TENM3: variants seen among roughly 807,000 people sequenced by gnomAD.
The protein encoded by TENM3 is teneurin-3.
In TENM3, 63 loss-of-function variants were observed where a neutral mutation model predicts 255.1. The observed-to-expected ratio is 0.25, with a 90% CI of 0.20 to 0.30. The LOEUF (loss-of-function observed/expected upper bound fraction) is 0.30. Among genes scored for constraint, TENM3 ranks in the 10% least tolerant of loss-of-function variants. TENM3 has a pLI of 1.00. For synonymous variants in TENM3, 1,306 were observed against 1,322.3 expected, an observed-to-expected ratio of 0.99 and a Z score of 0.27; for missense variants, 2,929 against 3,461.1, an observed-to-expected ratio of 0.85 and a Z score of 3.86.
At chr4:181,974,561 C>T in the TENM3 span, among the ~76,000 whole-genome samples, 3 of 148,298 alleles carry the variant, frequency 2.0e-5, no homozygotes, top group Non-Finnish European at 4.6e-5. Flanking sequence ...GAGCGAGACT[C>T]CATCTCAAAC....
chr4:181,502,062 G>A, the TENM3 span, among the ~76,000 whole-genome samples: 4 of 152,156 alleles, frequency 2.6e-5, no homozygotes, highest in Non-Finnish European at 5.9e-5. Context: ...TTGCCTTCTG[G>A]AGTCAAGGAG....
intron 4 of TENM3, among the ~76,000 whole-genome samples, chr4:182,609,082 G>A (rs1396016605): frequency 2.0e-5 from 3 of 152,182 alleles, no homozygotes; most frequent in Non-Finnish European, 4.4e-5. Flanking sequence ...GACTGGGGAC[G>A]CTAGGCCAGG....
the TENM3 span, among the ~76,000 whole-genome samples, chr4:181,463,946 C>T: frequency 6.6e-6 from 1 of 152,252 alleles, no homozygotes; most frequent in Non-Finnish European, 1.5e-5. Context: ...ATAATGATTC[C>T]AAGGTCCATC....
At chr4:181,465,357 G>C in the TENM3 span, among the ~76,000 whole-genome samples, 1 of 151,228 alleles carries the variant, frequency 6.6e-6, no homozygotes, top group African/African-American at 2.4e-5. Context: ...GCATGGAATA[G>C]ACTGACTAAC....
At chr4:182,055,087 C>T in the TENM3 span, among the ~76,000 whole-genome samples, 2 of 152,284 alleles carry the variant, frequency 1.3e-5, no homozygotes, top group South Asian at 4.1e-4. Context: ...TGGCTCATGC[C>T]TTTAATCCCA....
chr4:182,069,170 A>T, the TENM3 span, among the ~76,000 whole-genome samples: 1 of 152,222 alleles, frequency 6.6e-6, no homozygotes, highest in South Asian at 2.1e-4. Flanking sequence ...GTAAAAACTG[A>T]ATTTAAAGAA....
chr4:182,604,068 G>A (rs1054111889), intron 4 of TENM3, among the ~76,000 whole-genome samples: 1 of 152,228 alleles, frequency 6.6e-6, no homozygotes, highest in South Asian at 2.1e-4. Context: ...TTTCAGTATA[G>A]CTATCATTTT....
At chr4:182,788,346 A>G (rs1263914670) in intron 24 of TENM3, among the ~76,000 whole-genome samples, 1 of 152,204 alleles carries the variant, frequency 6.6e-6, no homozygotes, top group East Asian at 1.9e-4. Flanking sequence ...TGGGTTGTGT[A>G]TGCCTCGGAT....
At chr4:182,762,908 C>T (rs1763326880) in intron 22 of TENM3, among the ~76,000 whole-genome samples, 1 of 145,208 alleles carries the variant, frequency 6.9e-6, no homozygotes, top group South Asian at 2.2e-4. Context: ...TTCTCGTAAA[C>T]ACACGTACTG....
Position 182,653,792 on chromosome 4 carries a change from A to C in TENM3, c.1010A>C (p.Asn337Thr). The change falls in exon 6 of 28, where the codon AAC becomes ACC. Residue 337 changes from asparagine (N) to threonine (T), a missense_variant. By Grantham distance (65) the Asn-to-Thr change is moderately conservative (BLOSUM62 0). Transcript: ENST00000511685. ...YFIAMHLFGL[N>T]WQLQQTENDT... ...CCAGCAATGCATCTCTTTGGCCTCA[A>C]CTGGCAGCTACAGCAGACTGAAAAT... 6.2e-7 allele frequency: 1 copy of C among 1,612,028 alleles called. No homozygotes were observed.
the TENM3 span, among the ~76,000 whole-genome samples, chr4:181,711,750 G>T: frequency 6.6e-6 from 1 of 152,258 alleles, no homozygotes; most frequent in South Asian, 2.1e-4. Context: ...AAGGTAGTTT[G>T]CCCAGGTTCA....
the TENM3 span, among the ~76,000 whole-genome samples, chr4:181,498,669 T>A: frequency 6.6e-6 from 1 of 152,138 alleles, no homozygotes; most frequent in Non-Finnish European, 1.5e-5. Flanking sequence ...CCACACCTCA[T>A]ACAGATATGG....
At chr4:182,288,960 C>T (rs1054853883) in intron 1 of TENM3, among the ~76,000 whole-genome samples, 1 of 152,162 alleles carries the variant, frequency 6.6e-6, no homozygotes, top group African/African-American at 2.4e-5. Context: ...TGCAGTGGCT[C>T]ATGCCTGTAA....
the TENM3 span, among the ~76,000 whole-genome samples, chr4:181,539,210 G>A: frequency 0.014 from 2,183 of 152,164 alleles, 52 homozygotes; most frequent in African/African-American, 0.049. Flanking sequence ...TAAAAAGGAG[G>A]GAACGTGTTA....
chr4:182,548,808 T>C (rs1741716507), intron 3 of TENM3: 2 of 152,228 alleles, frequency 1.3e-5, no homozygotes, highest in African/African-American at 4.8e-5. Context: ...AACCTTGTTT[T>C]AAAAAAGAAG....
At chr4:182,473,003 A>G (rs937063882) in intron 3 of TENM3, among the ~76,000 whole-genome samples, 6 of 152,204 alleles carry the variant, frequency 3.9e-5, no homozygotes, top group Admixed American at 1.3e-4. Context: ...ATAAACAAAT[A>G]CTATATGCTC....
chr4:182,177,958 G>GGT (rs1752606271), intron 1 of TENM3, among the ~76,000 whole-genome samples: 1 of 117,132 alleles, frequency 8.5e-6, no homozygotes, highest in Non-Finnish European at 1.8e-5. Flanking sequence ...TTTGGTTTTT[G>GGT]TTTTTTTTTT....
intron 3 of TENM3, among the ~76,000 whole-genome samples, chr4:182,383,478 T>C (rs1195611358): frequency 6.9e-6 from 1 of 145,636 alleles, no homozygotes; most frequent in African/African-American, 2.5e-5. Flanking sequence ...TTTATTTATT[T>C]TTTTAAATTG....
At chr4:181,541,783 A>C in the TENM3 span, among the ~76,000 whole-genome samples, 65 of 152,320 alleles carry the variant, frequency 4.3e-4, no homozygotes, top group African/African-American at 1.5e-3. Context: ...CTGCCATTCA[A>C]CATAGTTCCT....
Sources: allele counts gnomAD v4.1 joint callset (sites outside exome capture counted in the v4.1 genomes callset), GRCh38; gene constraint gnomAD v4.1.1; transcripts MANE v1.5; gene names NCBI Gene and HGNC (gene_info 2026-07-23, HGNC 2026-07-21).